The following DPP10 variants were observed in gnomAD, a reference collection of about 807,000 sequenced individuals.
DPP10 encodes the protein inactive dipeptidyl peptidase 10.
DPP10 carries 33 observed loss-of-function variants against 120.9 expected under a neutral mutation model. The ratio of observed to expected loss-of-function variants is 0.27; its 90% CI spans 0.21 to 0.37. DPP10 has a LOEUF of 0.37. Among genes scored for constraint, DPP10 ranks in the 10% least tolerant of loss-of-function variants. The probability of loss-of-function intolerance (pLI) is 1.00; values close to 1 mark genes in which losing one functional copy is unlikely to be tolerated. For missense variants in DPP10, 816 were observed against 942.8 expected (o/e 0.87, Z 1.76); for synonymous variants, 337 against 326.1 (o/e 1.03, Z -0.36).
chr2:115,082,828 C>G (rs1211365149), intron 1 of DPP10, among the ~76,000 whole-genome samples: 1 of 152,170 alleles, frequency 6.6e-6, no homozygotes, highest in Non-Finnish European at 1.5e-5. Context: ...GATTGCCAAC[C>G]TAGGAATTCG....
At chr2:114,876,489 T>G (rs542093786) in intron 1 of DPP10, among the ~76,000 whole-genome samples, 1 of 152,218 alleles carries the variant, frequency 6.6e-6, no homozygotes, top group African/African-American at 2.4e-5. Context: ...TTTTACTAAC[T>G]TGGGGATTTT....
intron 1 of DPP10, among the ~76,000 whole-genome samples, chr2:114,505,880 G>A (rs1433151873): frequency 6.6e-6 from 1 of 152,188 alleles, no homozygotes; most frequent in African/African-American, 2.4e-5. Context: ...ACGAGTTCAT[G>A]CATGTTAGTT....
Position 114,987,804 on chromosome 2 carries a change from C to CTTTTTTTTTTTTTTTTTTTTT in DPP10, c.61-321423_61-321422insTTTTTTTTTTTTTTTTTTTTT, listed in dbSNP as rs59203543. Among the ~76,000 whole-genome samples the CTTTTTTTTTTTTTTTTTTTTT allele has an allele frequency of 2.3e-3, 228 of 101,030 alleles. 3 individuals carry two copies. Among genetic ancestry groups the CTTTTTTTTTTTTTTTTTTTTT allele is most frequent in the East Asian group, 5.5e-3 (16 of 2,888 alleles). 66.3% of individuals were successfully genotyped at this position (101,030 alleles called of 152,430 possible). A position where few individuals can be genotyped will look rare whatever the true frequency, so the allele number is the denominator to read the frequency against. ...TATACTCCTTGAGTGTGGAGACTGTCTTTTTTTTTTTTATTTTGAGATGGA... is the reference window on the plus strand; with the variant it reads ...TATACTCCTTGAGTGTGGAGACTGTCTTTTTTTTTTTTTTTTTTTTTTTTTTTTTTTTTATTTTGAGATGGA... On this transcript the variant is annotated intron_variant, in intron 1 of 25. Coordinates refer to ENST00000410059, the MANE Select transcript of DPP10 (RefSeq NM_020868.6).
In DPP10 at chr2:115,279,655, C is replaced by CTTTTTTTTT. The variant is rs70941039; in HGVS notation, c.61-29565_61-29557dup. On this transcript the variant is annotated intron_variant, in intron 1 of 25. Transcript: ENST00000410059. Reference sequence around the variant, plus strand: ...TTTCTTTCTTTCTTTTTTTCTTCTTCTTTTTTTTTTTTTTTTTTTTTTTTT... The same window carrying CTTTTTTTTT: ...TTTCTTTCTTTCTTTTTTTCTTCTTCTTTTTTTTTTTTTTTTTTTTTTTTTTTTTTTTTT... 3.8e-3 allele frequency among the ~76,000 whole-genome samples: 161 copies of CTTTTTTTTT among 42,720 alleles called. 16 individuals are homozygous for CTTTTTTTTT. Among genetic ancestry groups the CTTTTTTTTT allele is most frequent in the African/African-American group, 4.6e-3 (42 of 9,158 alleles). 28.0% of individuals were successfully genotyped at this position (42,720 alleles called of 152,430 possible). A position where few individuals can be genotyped will look rare whatever the true frequency, so the allele number is the denominator to read the frequency against.
intron 1 of DPP10, among the ~76,000 whole-genome samples, chr2:115,167,799 TTC>T (rs1189222102): frequency 6.6e-6 from 1 of 152,150 alleles, no homozygotes; most frequent in East Asian, 1.9e-4. Flanking sequence ...TTTCAAAATA[TTC>T]TGTTACATCC....
intron 1 of DPP10, among the ~76,000 whole-genome samples, chr2:115,152,359 T>C (rs12479272): frequency 0.12 from 17,716 of 152,276 alleles, 1,354 homozygotes; most frequent in East Asian, 0.3. Context: ...CAGTCTCTGG[T>C]CCATAGGAAT....
At chr2:115,720,429 C>T (rs928044572) in intron 7 of DPP10, among the ~76,000 whole-genome samples, 6 of 151,982 alleles carry the variant, frequency 3.9e-5, no homozygotes, top group South Asian at 2.1e-4. Context: ...CTTCAATATT[C>T]GATGATCCAT....
rs79102718 is a variant in DPP10, at chr2:114,779,500, A to G, written c.60+336662A>G. ...TTTTCAGAGGACCTATTCCCGTCATATCTTATAAAATGTAATGATTGACTT... is the reference window on the plus strand; with the variant it reads ...TTTTCAGAGGACCTATTCCCGTCATGTCTTATAAAATGTAATGATTGACTT... On this transcript the variant is annotated intron_variant, in intron 1 of 25. Transcript: ENST00000410059. Among the ~76,000 whole-genome samples, 64 of 152,238 alleles carry G rather than the reference A, an allele frequency of 4.2e-4. No individual in the cohort carries two copies. The East Asian group carries it at 9.1e-3, about 22-fold the overall frequency.
chr2:115,288,810 A>G (rs564261403), intron 1 of DPP10, among the ~76,000 whole-genome samples: 3 of 152,244 alleles, frequency 2.0e-5, no homozygotes, highest in Non-Finnish European at 2.9e-5. Context: ...AATAAAAACC[A>G]CATATGACAA....
intron 1 of DPP10, among the ~76,000 whole-genome samples, chr2:114,545,769 T>C (rs1212015291): frequency 6.6e-6 from 1 of 152,214 alleles, no homozygotes; most frequent in African/African-American, 2.4e-5. Context: ...CTGATTATTA[T>C]AATAATTATT....
intron 1 of DPP10, among the ~76,000 whole-genome samples, chr2:115,291,030 G>A (rs865794227): frequency 4.3e-4 from 65 of 152,044 alleles, no homozygotes; most frequent in Non-Finnish European, 7.9e-4. Context: ...CTGAGGCAGG[G>A]TCTCGCTCTG....
chr2:115,053,816 T>C (rs1705692232), intron 1 of DPP10, among the ~76,000 whole-genome samples: 1 of 152,212 alleles, frequency 6.6e-6, no homozygotes, highest in African/African-American at 2.4e-5. Context: ...AATATCCATT[T>C]GTAGAGTCTA....
intron 1 of DPP10, among the ~76,000 whole-genome samples, chr2:114,808,517 C>T: frequency 6.6e-6 from 1 of 151,232 alleles, no homozygotes; most frequent in East Asian, 1.9e-4. Context: ...CTCTTGCCAA[C>T]ACAAACTGAG....
intron 5 of DPP10, among the ~76,000 whole-genome samples, chr2:115,644,659 T>A (rs1369229323): frequency 6.6e-6 from 1 of 150,628 alleles, no homozygotes; most frequent in Non-Finnish European, 1.5e-5. Flanking sequence ...GTGCACCACC[T>A]GTAGTCCTAG....
chr2:115,659,786 C>G (rs1459772217), intron 5 of DPP10, among the ~76,000 whole-genome samples: 2 of 152,090 alleles, frequency 1.3e-5, no homozygotes, highest in African/African-American at 2.4e-5. Context: ...AAAAAATGAT[C>G]AGTTTTCATT....
intron 1 of DPP10, among the ~76,000 whole-genome samples, chr2:114,832,658 G>A (rs1323626888): frequency 1.3e-5 from 2 of 152,026 alleles, no homozygotes; most frequent in Non-Finnish European, 2.9e-5. Flanking sequence ...AGAGTAAATG[G>A]GCAAATATTA....
chr2:114,473,080 T>A (rs1204480916), intron 1 of DPP10, among the ~76,000 whole-genome samples: 3 of 152,220 alleles, frequency 2.0e-5, no homozygotes, highest in Admixed American at 2.0e-4. Context: ...GCCCCACTAT[T>A]TGCCAAGCTT....
Position 114,584,042 on chromosome 2 carries a change from CAGAA to C in DPP10, c.60+141207_60+141210del, listed in dbSNP as rs541692657. On this transcript the variant is annotated intron_variant, in intron 1 of 25. Transcript: ENST00000410059. The stretch of plus-strand genomic sequence containing the variant: ...AAATATTTTTTTAAAAAAGAACAAA[CAGAA>C]AGCAAAAAGAGAATCACGAAAGATT... 6.6e-5 allele frequency among the ~76,000 whole-genome samples: 10 copies of C among 152,064 alleles called. No individual in the cohort carries two copies. The East Asian group carries it at 1.5e-3, about 24-fold the overall frequency.
At chr2:115,143,916 T>G (rs571647237) in intron 1 of DPP10, 1 of 129,350 alleles carries the variant, frequency 7.7e-6, no homozygotes, top group Admixed American at 7.8e-5. Context: ...CTCAGAAGAA[T>G]AGTATTTTTT....
Sources: allele counts gnomAD v4.1 joint callset (sites outside exome capture counted in the v4.1 genomes callset), GRCh38; gene constraint gnomAD v4.1.1; transcripts MANE v1.5; gene names NCBI Gene and HGNC (gene_info 2026-07-23, HGNC 2026-07-21).